The following ZNF92 variants were observed in gnomAD, a reference collection of about 807,000 sequenced individuals.
The protein encoded by ZNF92 is zinc finger protein 92, also known as epididymis luminal protein 203.
In ZNF92, 11 loss-of-function variants were observed where a neutral mutation model predicts 12.4. The observed-to-expected ratio is 0.89, with a 90% CI of 0.56 to 1.47. The LOEUF (loss-of-function observed/expected upper bound fraction) is 1.47. Ranked by LOEUF, ZNF92 falls within the 40% of genes most tolerant of loss-of-function variation. The probability of loss-of-function intolerance (pLI) is 0.00; values close to 1 mark genes in which losing one functional copy is unlikely to be tolerated. For synonymous variants in ZNF92, 206 were observed against 228.6 expected, an observed-to-expected ratio of 0.90 and a Z score of 0.89; for missense variants, 622 against 681.0, an observed-to-expected ratio of 0.91 and a Z score of 0.96.
rs200259107 is a variant in ZNF92 at position 65,387,975 on chromosome 7, G to A, written c.77G>A (p.Arg26Gln). 93 of 1,608,474 alleles carry A rather than the reference G, an allele frequency of 5.8e-5. 2 individuals carry two copies. The highest frequency in any genetic ancestry group is 4.3e-4 in the East Asian group (19 of 44,656). The change falls in exon 2 of 4, where the codon CGG becomes CAG. Residue 26 changes from arginine (R) to glutamine (Q), a missense_variant. By Grantham distance (43) the Arg-to-Gln change is conservative. Coordinates refer to ENST00000328747, the MANE Select transcript of ZNF92 (RefSeq NM_152626.4). ...TGGCAATGCCTGGACACTGCGCAGC[G>A]GAATTTATATAGAGATGTGATGTTA... is the stretch of plus-strand genomic sequence containing the variant. Reference protein sequence around the residue: ...EEWQCLDTAQRNLYRDVMLEN... With the variant: ...EEWQCLDTAQQNLYRDVMLEN...
chr7:65,379,827 A>G (rs1334009397), intron 1 of ZNF92, among the ~76,000 whole-genome samples: 1 of 152,026 alleles, frequency 6.6e-6, no homozygotes, highest in Non-Finnish European at 1.5e-5. Context: ...AGCACAAACC[A>G]GTCTTTCCAT....
intron 1 of ZNF92, among the ~76,000 whole-genome samples, chr7:65,386,995 A>G (rs180886673): frequency 0.012 from 1,774 of 146,472 alleles, 48 homozygotes; most frequent in African/African-American, 0.042. Context: ...GCTAGAGTGC[A>G]ATGGCGCAAT....
chr7:65,387,811 T>G, intron 1 of ZNF92, 91 bp from the exon 2 acceptor site: 2 of 1,425,086 alleles, frequency 1.4e-6, no homozygotes, highest in Non-Finnish European at 9.3e-7. Context: ...TTCTCTTTAC[T>G]CTTTCATTTC....
At chr7:65,386,190 T>G (rs995050982) in intron 1 of ZNF92, among the ~76,000 whole-genome samples, 13 of 152,142 alleles carry the variant, frequency 8.5e-5, no homozygotes, top group African/African-American at 3.1e-4. Flanking sequence ...CGGCTAATTT[T>G]TGTATTTTTG....
intron 3 of ZNF92, among the ~76,000 whole-genome samples, chr7:65,393,391 G>T (rs1372872289): frequency 2.0e-5 from 3 of 150,300 alleles, no homozygotes; most frequent in Non-Finnish European, 3.0e-5. Context: ...TATATTTTTT[G>T]ATGTGTTTAT....
intron 3 of ZNF92, among the ~76,000 whole-genome samples, chr7:65,392,864 G>A (rs1189875590): frequency 3.3e-5 from 5 of 151,846 alleles, no homozygotes; most frequent in African/African-American, 1.2e-4. Flanking sequence ...GGCCAGCTTG[G>A]ACAGCATGTG....
At chr7:65,384,742 CA>C (rs201104234) in intron 1 of ZNF92, among the ~76,000 whole-genome samples, 1 of 151,424 alleles carries the variant, frequency 6.6e-6, no homozygotes, top group African/African-American at 2.4e-5. Flanking sequence ...ACATTTTTCA[CA>C]AAAAAAATGA....
At chr7:65,390,806 C>G (rs528236847) in intron 3 of ZNF92, among the ~76,000 whole-genome samples, 1 of 152,132 alleles carries the variant, frequency 6.6e-6, no homozygotes, top group Non-Finnish European at 1.5e-5. Flanking sequence ...CATTAAACTG[C>G]TTCAGAGACC....
rs766090110 is a variant in ZNF92 at position 65,374,034 on chromosome 7, G to T, written c.3+34G>T. On this transcript the variant is annotated intron_variant, in intron 1 of 3. Coordinates refer to ENST00000328747, the MANE Select transcript of ZNF92 (RefSeq NM_152626.4). ...GCTGGGTCCCACATCCCGAGAGAGG[G>T]GGAGGGTCTGGCTGGAACCGATTGG... 4 of 1,614,014 alleles carry T rather than the reference G, an allele frequency of 2.5e-6. No homozygotes were observed. In the Admixed American group the frequency reaches 6.7e-5, roughly 27 times the overall value.
At chr7:65,392,672 G>T (rs1268271311) in intron 3 of ZNF92, among the ~76,000 whole-genome samples, 1 of 151,786 alleles carries the variant, frequency 6.6e-6, no homozygotes, top group Non-Finnish European at 1.5e-5. Context: ...GAGTAGATGG[G>T]ATTACAGGCA....
At chr7:65,396,789 C>T (rs1002910838) in intron 3 of ZNF92, among the ~76,000 whole-genome samples, 2 of 152,126 alleles carry the variant, frequency 1.3e-5, no homozygotes, top group African/African-American at 4.8e-5. Context: ...TGTAGGATTA[C>T]AGGCATGAGC....
In ZNF92 at chr7:65,400,542, T is replaced by TCATAAGG. The variant is rs1266716736; in HGVS notation, c.*677_*683dup. The TCATAAGG allele has an allele frequency of 6.6e-6, 1 of 152,002 alleles. No individual in the cohort carries two copies. The highest frequency in any genetic ancestry group is 1.5e-5 in the Non-Finnish European group (1 of 67,916). 9.4% of individuals were successfully genotyped at this position (152,002 alleles called of 1,614,324 possible). A position where few individuals can be genotyped will look rare whatever the true frequency, so the allele number is the denominator to read the frequency against. ...TAAATATCAGAATTCACAGTAGAAA[T>TCATAAGG]CATAAGGCATAAGGCACTGATACTT... is the stretch of plus-strand genomic sequence containing the variant. On this transcript the variant is annotated 3_prime_UTR_variant, in exon 4 of 4. Transcript: ENST00000328747.
In ZNF92 at chr7:65,377,554, T is replaced by G. The variant is rs571895432; in HGVS notation, c.3+3554T>G. Among the ~76,000 whole-genome samples, 158 of 152,002 alleles carry G rather than the reference T, an allele frequency of 1.0e-3. 1 individual carries two copies. Among genetic ancestry groups the G allele is most frequent in the Non-Finnish European group, 1.9e-3 (128 of 67,950 alleles). On this transcript the variant is annotated intron_variant, in intron 1 of 3. Coordinates refer to ENST00000328747, the MANE Select transcript of ZNF92 (RefSeq NM_152626.4). ...CAGTTACTTTTTATTTGTTTATTTATTTTTTTTGAGATGGAGTCTTGCTTT... is the reference window on the plus strand; with the variant it reads ...CAGTTACTTTTTATTTGTTTATTTAGTTTTTTTGAGATGGAGTCTTGCTTT...
chr7:65,394,542 A>G (rs1793800700), intron 3 of ZNF92, among the ~76,000 whole-genome samples: 1 of 152,128 alleles, frequency 6.6e-6, no homozygotes, highest in Admixed American at 6.5e-5. Context: ...CAAATTTTAA[A>G]AATTTAGACA....
At chr7:65,388,061 CT>C in intron 2 of ZNF92, 33 bp downstream of exon 2, 1 of 1,554,680 alleles carries the variant, frequency 6.4e-7, no homozygotes. Flanking sequence ...ATACACAATG[CT>C]CTAAAAGTTT....
At chr7:65,384,917 C>T (rs1793521999) in intron 1 of ZNF92, among the ~76,000 whole-genome samples, 1 of 152,146 alleles carries the variant, frequency 6.6e-6, no homozygotes, top group South Asian at 2.1e-4. Flanking sequence ...TGCATTAGTG[C>T]ATGTGTAAAT....
chr7:65,395,685 G>A (rs1359374673), intron 3 of ZNF92, among the ~76,000 whole-genome samples: 3 of 151,944 alleles, frequency 2.0e-5, no homozygotes, highest in Non-Finnish European at 1.5e-5. Flanking sequence ...AGACAGTTAT[G>A]GTAGTTATAG....
chr7:65,399,925 C>G lies in ZNF92; in HGVS notation c.*50C>G, dbSNP rs774159084. 1.2e-4 allele frequency: 169 copies of G among 1,445,172 alleles called. 1 individual carries two copies. Among genetic ancestry groups the G allele is most frequent in the Admixed American group, 5.2e-4 (23 of 44,508 alleles). 89.5% of individuals were successfully genotyped at this position (1,445,172 alleles called of 1,614,324 possible). ...CACCTCAAACTTTTCTAAACATAAA[C>G]CATATTGGTGCCCTAGAAATGTGAG... is the stretch of plus-strand genomic sequence containing the variant. On this transcript the variant is annotated 3_prime_UTR_variant, in exon 4 of 4. Coordinates refer to ENST00000328747, the MANE Select transcript of ZNF92 (RefSeq NM_152626.4).
intron 1 of ZNF92, among the ~76,000 whole-genome samples, chr7:65,382,676 A>G (rs991517316): frequency 6.6e-6 from 1 of 152,080 alleles, no homozygotes; most frequent in African/African-American, 2.4e-5. Context: ...AGTAACATGC[A>G]TGCATTGAGT....
Sources: allele counts gnomAD v4.1 joint callset (sites outside exome capture counted in the v4.1 genomes callset), GRCh38; gene constraint gnomAD v4.1.1; transcripts MANE v1.5; gene names NCBI Gene and HGNC (gene_info 2026-07-23, HGNC 2026-07-21).